The following SNAP91 variants were observed in gnomAD, a reference collection of about 807,000 sequenced individuals.
The protein encoded by SNAP91 is synaptosome associated protein 91.
SNAP91 carries 27 observed loss-of-function variants against 100.3 expected under a neutral mutation model. The ratio of observed to expected loss-of-function variants is 0.27; its 90% CI spans 0.20 to 0.37. SNAP91 has a LOEUF of 0.37. Ranked by LOEUF, SNAP91 falls within the 10% of genes least tolerant of loss-of-function variation. The pLI is 1.00. For missense variants in SNAP91, 986 were observed against 1,123.7 expected, an observed-to-expected ratio of 0.88 and a Z score of 1.75; for synonymous variants, 404 against 398.6, an observed-to-expected ratio of 1.01 and a Z score of -0.16.
chr6:83,646,809 T>A (rs1245064390), intron 7 of SNAP91, among the ~76,000 whole-genome samples: 1 of 152,234 alleles, frequency 6.6e-6, no homozygotes, highest in Non-Finnish European at 1.5e-5. Flanking sequence ...TATTGAACCT[T>A]CTTATCCATG....
chr6:83,687,102 A>G (rs1234339704), intron 2 of SNAP91, among the ~76,000 whole-genome samples: 3 of 152,144 alleles, frequency 2.0e-5, no homozygotes, highest in African/African-American at 7.2e-5. Flanking sequence ...GCTTCATGCA[A>G]CCTAGCTGTT....
At chr6:83,617,597 T>C (rs2207945) in intron 9 of SNAP91, among the ~76,000 whole-genome samples, 32,256 of 151,230 alleles carry the variant, frequency 0.21, 4,267 homozygotes, top group East Asian at 0.4. Context: ...CCTATTTATA[T>C]ATAAAAATAT....
At chr6:83,570,906 C>T (rs575126256) in intron 26 of SNAP91, among the ~76,000 whole-genome samples, 2 of 152,250 alleles carry the variant, frequency 1.3e-5, no homozygotes, top group African/African-American at 4.8e-5. Flanking sequence ...ACACAGAGTC[C>T]CTACTGGGGC....
In SNAP91 at chr6:83,592,540, T is replaced by A; in HGVS notation, c.1847-2A>T. On this transcript the variant is annotated splice_acceptor_variant, in intron 20 of 29. Transcript: ENST00000369694. LOFTEE classifies it high-confidence loss of function. ...GAGATGGTGCTGCAAATGCATCCACTGCAGTGAAGCACAGACAGGAAAAAG... is the reference window on the plus strand; with the variant it reads ...GAGATGGTGCTGCAAATGCATCCACAGCAGTGAAGCACAGACAGGAAAAAG... 6.2e-7 allele frequency: 1 copy of A among 1,604,878 alleles called. No homozygotes were observed. Among genetic ancestry groups the A allele is most frequent in the Non-Finnish European group, 8.5e-7 (1 of 1,175,456 alleles).
At chr6:83,576,161 G>T in intron 24 of SNAP91, 108 bp from the exon 25 acceptor site, 3 of 565,298 alleles carry the variant, frequency 5.3e-6, no homozygotes, top group Non-Finnish European at 9.2e-6. Context: ...TCCTTATTTT[G>T]CCTAGGAATG....
In SNAP91 at chr6:83,571,718, T is replaced by A. The variant is rs141914803; in HGVS notation, c.2442+3292A>T. Among the ~76,000 whole-genome samples, 5 of 152,240 alleles carry A rather than the reference T, an allele frequency of 3.3e-5. No individual in the cohort carries two copies. The East Asian group carries it at 9.7e-4, about 29-fold the overall frequency. On this transcript the variant is annotated intron_variant, in intron 26 of 29. Transcript: ENST00000369694. Reference sequence around the variant, plus strand: ...ATGTTAAAATGAGTTAAGACTTTGGTGGACTGTTGGGAAGGCATGACTGGT... The same window carrying A: ...ATGTTAAAATGAGTTAAGACTTTGGAGGACTGTTGGGAAGGCATGACTGGT...
intron 9 of SNAP91, among the ~76,000 whole-genome samples, chr6:83,618,980 T>A (rs969281517): frequency 1.3e-5 from 2 of 151,886 alleles, no homozygotes; most frequent in African/African-American, 4.8e-5. Context: ...CCTATTAAGT[T>A]TCTTAGTTAC....
chr6:83,602,628 T>C (rs1217085646), intron 14 of SNAP91, among the ~76,000 whole-genome samples: 3 of 152,166 alleles, frequency 2.0e-5, no homozygotes, highest in Non-Finnish European at 4.4e-5. Flanking sequence ...ATTGTAGAAG[T>C]TTATTTCAAT....
At chr6:83,635,107 C>T (rs1186213812) in intron 8 of SNAP91, among the ~76,000 whole-genome samples, 1 of 152,114 alleles carries the variant, frequency 6.6e-6, no homozygotes, top group Non-Finnish European at 1.5e-5. Context: ...CAAGAACATA[C>T]ATTCTGCGGT....
Position 83,601,618 on chromosome 6 carries a change from T to C in SNAP91, c.1142-19A>G, listed in dbSNP as rs752877587. ...AAAAGGTCTACCGATGTCCATTACATGGCAGCATAAGAATAAATAAGAGCT... is the reference window on the plus strand; with the variant it reads ...AAAAGGTCTACCGATGTCCATTACACGGCAGCATAAGAATAAATAAGAGCT... On this transcript the variant is annotated intron_variant, in intron 14 of 29. Coordinates refer to ENST00000369694, the MANE Select transcript of SNAP91 (RefSeq NM_001242792.2). 7 of 1,612,440 alleles carry C rather than the reference T, an allele frequency of 4.3e-6. No homozygotes were observed. The South Asian group carries it at 5.5e-5, about 13-fold the overall frequency.
intron 2 of SNAP91, among the ~76,000 whole-genome samples, chr6:83,675,815 T>C (rs2098861844): frequency 1.4e-5 from 1 of 73,240 alleles, no homozygotes; most frequent in East Asian, 4.5e-4. Flanking sequence ...CAGAGCCTGA[T>C]ACACTTGAAG....
intron 4 of SNAP91, among the ~76,000 whole-genome samples, chr6:83,661,911 T>C (rs1332295851): frequency 6.6e-6 from 1 of 152,344 alleles, no homozygotes; most frequent in Non-Finnish European, 1.5e-5. Context: ...AGCCATCTGA[T>C]AATGTTCCAT....
chr6:83,664,624 G>A (rs1476053503), intron 3 of SNAP91, among the ~76,000 whole-genome samples: 5 of 152,116 alleles, frequency 3.3e-5, no homozygotes, highest in Admixed American at 6.6e-5. Flanking sequence ...TCTTATGGAC[G>A]AGAAAGAAAG....
intron 2 of SNAP91, among the ~76,000 whole-genome samples, chr6:83,685,870 A>C (rs771371364): frequency 1.3e-5 from 2 of 152,208 alleles, no homozygotes; most frequent in Non-Finnish European, 2.9e-5. Flanking sequence ...CGCTCTACCG[A>C]ATGCATTCCC....
At chr6:83,601,219 A>C in intron 16 of SNAP91, 52 bp downstream of exon 16, 1 of 1,591,278 alleles carries the variant, frequency 6.3e-7, no homozygotes, top group Non-Finnish European at 8.6e-7. Flanking sequence ...CTTAACTCCC[A>C]AGTAATTTTA....
intron 24 of SNAP91, among the ~76,000 whole-genome samples, 153 bp downstream of exon 24, chr6:83,580,297 A>G (rs1403550685): frequency 2.6e-5 from 4 of 152,080 alleles, no homozygotes; most frequent in African/African-American, 7.2e-5. Context: ...CACTGGGTAA[A>G]GCACTAAGTA....
intron 22 of SNAP91, among the ~76,000 whole-genome samples, chr6:83,589,750 C>T (rs765502792): frequency 5.3e-5 from 8 of 152,128 alleles, no homozygotes; most frequent in Admixed American, 2.6e-4. Context: ...AGCTGGGCTA[C>T]GACTACCTGC....
At chr6:83,599,976 G>A (rs1056482366) in intron 16 of SNAP91, among the ~76,000 whole-genome samples, 6 of 152,044 alleles carry the variant, frequency 3.9e-5, no homozygotes, top group Non-Finnish European at 5.9e-5. Context: ...GCAGAGACAA[G>A]GTCTCACTAT....
chr6:83,667,332 A>G (rs1461115452), intron 2 of SNAP91, among the ~76,000 whole-genome samples: 2 of 151,984 alleles, frequency 1.3e-5, no homozygotes, highest in African/African-American at 4.8e-5. Flanking sequence ...AACAGTTCTC[A>G]TTTTTCTAAC....
Sources: allele counts gnomAD v4.1 joint callset (sites outside exome capture counted in the v4.1 genomes callset), GRCh38; gene constraint gnomAD v4.1.1; transcripts MANE v1.5; gene names NCBI Gene and HGNC (gene_info 2026-07-23, HGNC 2026-07-21).